The following USP32 variants were observed in gnomAD, a reference collection of about 807,000 sequenced individuals.
The protein encoded by USP32 is ubiquitin specific peptidase 32, also known as ubiquitin carboxyl-terminal hydrolase 32.
A neutral mutation model predicts 204.8 loss-of-function variants in USP32; 59 were observed. The observed-to-expected ratio is 0.29, with a 90% CI of 0.23 to 0.36. The LOEUF (loss-of-function observed/expected upper bound fraction) is 0.36, where lower values mean the gene tolerates loss of function less well. Among genes scored for constraint, USP32 ranks in the 10% least tolerant of loss-of-function variants. The pLI, the probability that USP32 is intolerant of heterozygous loss-of-function variation, is 1.00. For synonymous variants in USP32, 517 were observed against 678.4 expected (o/e 0.76, Z 3.70); for missense variants, 1,160 against 1,946.4 (o/e 0.60, Z 7.60).
intron 7 of USP32, among the ~76,000 whole-genome samples, chr17:60,268,343 C>A (rs1031602412): frequency 2.7e-5 from 4 of 150,884 alleles, no homozygotes; most frequent in African/African-American, 9.8e-5. Context: ...CTGAGGTGGG[C>A]GGATCATTTA....
rs117516301 is a variant in USP32, at chr17:60,421,987, C to T, written c.106+259G>A. On this transcript the variant is annotated intron_variant, in intron 1 of 3. Coordinates refer to the USP32 transcript ENST00000588898. Reference sequence around the variant, plus strand: ...GGCACTGGCGGGGATCTTTATACACCCCCAAAACACACACATCCCACCCAG... The same window carrying T: ...GGCACTGGCGGGGATCTTTATACACTCCCAAAACACACACATCCCACCCAG... The T allele has an allele frequency of 5.3e-4, 517 of 972,434 alleles. 13 individuals carry two copies. The East Asian group carries it at 0.05, about 95-fold the overall frequency. 60.2% of individuals were successfully genotyped at this position (972,434 alleles called of 1,614,324 possible).
chr17:60,358,209 C>G (rs964567853), intron 1 of USP32, among the ~76,000 whole-genome samples: 3 of 152,114 alleles, frequency 2.0e-5, no homozygotes, highest in African/African-American at 7.2e-5. Context: ...AAGCCACCAC[C>G]CTATGAACCT....
chr17:60,309,630 T>G (rs1474830715), intron 2 of USP32, among the ~76,000 whole-genome samples: 1 of 152,088 alleles, frequency 6.6e-6, no homozygotes, highest in Non-Finnish European at 1.5e-5. Context: ...GCAAATGATC[T>G]GAAATCTTCA....
At chr17:60,422,041 G>C in intron 1 of USP32, 2 of 763,042 alleles carry the variant, frequency 2.6e-6, no homozygotes, top group East Asian at 1.3e-4. Context: ...CAGCACGGAG[G>C]GCTTATTATT....
At chr17:60,358,018 C>T (rs2089125986) in intron 1 of USP32, among the ~76,000 whole-genome samples, 1 of 152,124 alleles carries the variant, frequency 6.6e-6, no homozygotes, top group South Asian at 2.1e-4. Context: ...ATCCACCCGC[C>T]TCCACCTCCT....
intron 1 of USP32, among the ~76,000 whole-genome samples, chr17:60,367,597 C>T (rs1193116682): frequency 2.0e-5 from 3 of 152,148 alleles, no homozygotes; most frequent in Admixed American, 2.0e-4. Flanking sequence ...GATCACTTGA[C>T]GTCAGTTCAA....
chr17:60,227,582 C>T lies in USP32; in HGVS notation c.1240-1351G>A, dbSNP rs962153654. On this transcript the variant is annotated intron_variant, in intron 12 of 33. Coordinates refer to ENST00000300896, the MANE Select transcript of USP32 (RefSeq NM_032582.4). ...ACCATGCCCATTCAGTTTTTCTTTT[C>T]TTTTTTTTTTTTTTGAGACAGGGTC... Among the ~76,000 whole-genome samples the T allele has an allele frequency of 1.5e-3, 215 of 139,698 alleles. 1 individual carries two copies. Among genetic ancestry groups the T allele is most frequent in the African/African-American group, 4.8e-3 (183 of 38,518 alleles). 91.6% of individuals were successfully genotyped at this position (139,698 alleles called of 152,430 possible).
chr17:60,338,038 C>T (rs749706406), intron 2 of USP32, among the ~76,000 whole-genome samples: 11 of 152,118 alleles, frequency 7.2e-5, no homozygotes, highest in South Asian at 2.1e-4. Context: ...AATTGTTGGA[C>T]GCAGGCAAGG....
Position 60,225,325 on chromosome 17 carries a change from C to T in USP32, c.1432+714G>A, listed in dbSNP as rs139079481. ...CACAAAAAATGGCTGGGCATGGTGG[C>T]GCGTGCCTGTAGTCCCAGCTTCTTA... On this transcript the variant is annotated intron_variant, in intron 13 of 33. Transcript: ENST00000300896. 8.9e-3 allele frequency among the ~76,000 whole-genome samples: 1,355 copies of T among 152,066 alleles called. 7 individuals carry two copies. The highest frequency in any genetic ancestry group is 0.014 in the Middle Eastern group (4 of 294).
chr17:60,218,652 G>A (rs1241505537), intron 16 of USP32, among the ~76,000 whole-genome samples: 1 of 152,118 alleles, frequency 6.6e-6, no homozygotes, highest in South Asian at 2.1e-4. Flanking sequence ...CACCCAGGCT[G>A]GAGTGCAACG....
intron 9 of USP32, among the ~76,000 whole-genome samples, chr17:60,260,590 C>T (rs985945490): frequency 1.3e-5 from 2 of 150,508 alleles, no homozygotes; most frequent in African/African-American, 4.9e-5. Flanking sequence ...GATAAAAAGA[C>T]TAAGTTAATC....
chr17:60,384,463 C>G lies in USP32; in HGVS notation c.58+7419G>C, dbSNP rs563983627. ...TGTTATAGGCAAGGTTTCAAAACATCAGTTTTCCTGAATCTTATTCACAAG... is the reference window on the plus strand; with the variant it reads ...TGTTATAGGCAAGGTTTCAAAACATGAGTTTTCCTGAATCTTATTCACAAG... On this transcript the variant is annotated intron_variant, in intron 1 of 33. Coordinates refer to ENST00000300896, the MANE Select transcript of USP32 (RefSeq NM_032582.4). Among the ~76,000 whole-genome samples the G allele has an allele frequency of 2.3e-4, 35 of 152,308 alleles. 1 individual carries two copies. The highest frequency in any genetic ancestry group is 7.9e-4 in the African/African-American group (33 of 41,562).
At chr17:60,421,441 G>T (rs955521514) in intron 1 of USP32, 1 of 985,528 alleles carries the variant, frequency 1.0e-6, no homozygotes, top group Non-Finnish European at 1.2e-6. Flanking sequence ...CCGGGCCGAC[G>T]GCGGTCCCAC....
chr17:60,209,161 T>C (rs998348520), intron 22 of USP32, among the ~76,000 whole-genome samples: 56 of 152,336 alleles, frequency 3.7e-4, no homozygotes, highest in Non-Finnish European at 7.1e-4. Context: ...GTTTACAATA[T>C]GAAATGGCAA....
chr17:60,318,067 AGT>A (rs1479010784), intron 2 of USP32, among the ~76,000 whole-genome samples: 6 of 152,268 alleles, frequency 3.9e-5, no homozygotes, highest in Non-Finnish European at 8.8e-5. Context: ...TTTTAAAATC[AGT>A]GGTACAAATT....
At chr17:60,206,939 T>A in intron 25 of USP32, 82 bp downstream of exon 25, 1 of 1,531,450 alleles carries the variant, frequency 6.5e-7, no homozygotes, top group Non-Finnish European at 8.8e-7. Context: ...ATCCTCAGCA[T>A]GAACAAATAT....
intron 5 of USP32, among the ~76,000 whole-genome samples, chr17:60,274,693 C>T (rs1054929055): frequency 7.2e-5 from 11 of 152,140 alleles, no homozygotes; most frequent in Admixed American, 2.0e-4. Flanking sequence ...ATTCAAAGTA[C>T]AGATTTTTTT....
intron 11 of USP32, chr17:60,245,443 T>A: frequency 2.8e-6 from 1 of 361,312 alleles, no homozygotes; most frequent in Non-Finnish European, 5.3e-6. Context: ...CTCCTTGACA[T>A]TGCGGACCAG....
chr17:60,407,726 G>A (rs1224415823), intron 1 of USP32, among the ~76,000 whole-genome samples: 1 of 145,076 alleles, frequency 6.9e-6, no homozygotes, highest in Non-Finnish European at 1.5e-5. Flanking sequence ...AGGTTACAGT[G>A]AGCCGAGATT....
Sources: allele counts gnomAD v4.1 joint callset (sites outside exome capture counted in the v4.1 genomes callset), GRCh38; gene constraint gnomAD v4.1.1; transcripts MANE v1.5; gene names NCBI Gene and HGNC (gene_info 2026-07-23, HGNC 2026-07-21).